The following CCSER1 variants were observed in gnomAD, a reference collection of about 807,000 sequenced individuals.
CCSER1 encodes coiled-coil serine rich protein 1.
Under a neutral mutation model 82.0 loss-of-function variants are expected in CCSER1, and 41 were observed. The observed-to-expected ratio is 0.50, with a 90% CI of 0.39 to 0.65. The LOEUF is 0.65. Ranked by LOEUF, CCSER1 falls within the 30% of genes least tolerant of loss-of-function variation. CCSER1 has a pLI of 0.00. For missense variants in CCSER1, 1,119 were observed against 1,064.2 expected (o/e 1.05, Z -0.72); for synonymous variants, 414 against 383.9 (o/e 1.08, Z -0.92).
intron 7 of CCSER1, among the ~76,000 whole-genome samples, chr4:90,733,405 G>A (rs1277978981): frequency 1.3e-5 from 2 of 152,136 alleles, no homozygotes; most frequent in Non-Finnish European, 2.9e-5. Flanking sequence ...CTATAGAGTT[G>A]TTTGAGCTCC....
At chr4:90,978,323 A>G (rs1735794350) in intron 9 of CCSER1, among the ~76,000 whole-genome samples, 1 of 151,662 alleles carries the variant, frequency 6.6e-6, no homozygotes, top group African/African-American at 2.4e-5. Context: ...AATGTACACA[A>G]AGCTCTTAGA....
At chr4:90,675,190 A>T (rs1579877080) in intron 6 of CCSER1, among the ~76,000 whole-genome samples, 1 of 152,146 alleles carries the variant, frequency 6.6e-6, no homozygotes, top group African/African-American at 2.4e-5. Context: ...TTTCAGAGAG[A>T]CAGAAAAAGT....
chr4:91,310,468 T>C (rs1745391678), intron 10 of CCSER1, among the ~76,000 whole-genome samples: 1 of 151,790 alleles, frequency 6.6e-6, no homozygotes, highest in Non-Finnish European at 1.5e-5. Flanking sequence ...CATTCAAAAT[T>C]GTCTTTGTCA....
chr4:91,017,657 T>G (rs1366487452), intron 9 of CCSER1, among the ~76,000 whole-genome samples: 1 of 152,030 alleles, frequency 6.6e-6, no homozygotes, highest in African/African-American at 2.4e-5. Flanking sequence ...GGGGAAAAAG[T>G]AAAGGAAGGT....
chr4:90,758,185 C>T (rs564981119), intron 7 of CCSER1, among the ~76,000 whole-genome samples: 12 of 152,234 alleles, frequency 7.9e-5, no homozygotes, highest in South Asian at 2.1e-4. Flanking sequence ...GATCCGCCTG[C>T]GTCGGCCTCC....
At chr4:91,355,238 C>A (rs1748745234) in intron 10 of CCSER1, among the ~76,000 whole-genome samples, 1 of 151,618 alleles carries the variant, frequency 6.6e-6, no homozygotes, top group Non-Finnish European at 1.5e-5. Context: ...TTTTAGTTTA[C>A]AGAACGGCAT....
intron 10 of CCSER1, among the ~76,000 whole-genome samples, chr4:91,087,538 G>C (rs1723508398): frequency 6.6e-6 from 1 of 151,834 alleles, no homozygotes; most frequent in South Asian, 2.1e-4. Context: ...ATTAATTTTA[G>C]AAGTATATTG....
chr4:90,861,926 A>ATATATATTTTT (rs1486179354), intron 8 of CCSER1, among the ~76,000 whole-genome samples: 6 of 125,684 alleles, frequency 4.8e-5, no homozygotes, highest in African/African-American at 1.7e-4. Flanking sequence ...ATATATATAT[A>ATATATATTTTT]TTTTTTTTTT....
Position 90,293,385 on chromosome 4 carries a change from A to G in CCSER1, c.-41-14859A>G, listed in dbSNP as rs1731281910. On this transcript the variant is annotated intron_variant, in intron 1 of 10. Coordinates refer to ENST00000509176, the MANE Select transcript of CCSER1 (RefSeq NM_001145065.2). ...GAGTTTTTCTTTGATCTAAAAGGCA[A>G]TTTATTTTTATCAGATACTAATTGT... 2.6e-5 allele frequency among the ~76,000 whole-genome samples: 4 copies of G among 151,610 alleles called. No homozygotes were observed. In the South Asian group the frequency reaches 8.3e-4, roughly 31 times the overall value.
intron 8 of CCSER1, among the ~76,000 whole-genome samples, chr4:90,880,883 C>A (rs998262292): frequency 6.6e-6 from 1 of 152,004 alleles, no homozygotes; most frequent in Admixed American, 6.6e-5. Context: ...CCTGGCTTTT[C>A]TCCATTCTCC....
intron 10 of CCSER1, among the ~76,000 whole-genome samples, chr4:91,401,671 T>C (rs1419389056): frequency 2.6e-5 from 4 of 152,090 alleles, no homozygotes; most frequent in Non-Finnish European, 5.9e-5. Context: ...GTCCTTGCGA[T>C]AGTTTGCTCA....
intron 7 of CCSER1, among the ~76,000 whole-genome samples, chr4:90,753,110 C>G (rs905204198): frequency 2.0e-5 from 3 of 152,130 alleles, no homozygotes; most frequent in African/African-American, 7.2e-5. Flanking sequence ...TGGCTTAGAA[C>G]TTCTGGCTTA....
intron 10 of CCSER1, among the ~76,000 whole-genome samples, chr4:91,371,320 C>T (rs932192991): frequency 2.7e-5 from 4 of 150,508 alleles, no homozygotes; most frequent in African/African-American, 9.7e-5. Context: ...CCCAACACTA[C>T]CTTTCTCAGC....
At chr4:91,556,716 T>C (rs925581864) in intron 10 of CCSER1, among the ~76,000 whole-genome samples, 2 of 151,130 alleles carry the variant, frequency 1.3e-5, no homozygotes, top group African/African-American at 2.4e-5. Flanking sequence ...TTCTAATATT[T>C]CAGCAACTTT....
At chr4:90,832,872 A>G (rs573807939) in intron 8 of CCSER1, among the ~76,000 whole-genome samples, 2 of 152,204 alleles carry the variant, frequency 1.3e-5, no homozygotes, top group Non-Finnish European at 2.9e-5. Context: ...TGTAAAGAAT[A>G]TATTTTCTAT....
At chr4:91,090,896 C>T (rs11936946) in intron 10 of CCSER1, among the ~76,000 whole-genome samples, 49,686 of 151,946 alleles carry the variant, frequency 0.33, 8,692 homozygotes, top group East Asian at 0.46. Flanking sequence ...GAGATACGTA[C>T]TCTCCTTTTC....
intron 9 of CCSER1, among the ~76,000 whole-genome samples, chr4:91,002,640 T>C (rs2150480272): frequency 6.6e-6 from 1 of 152,286 alleles, no homozygotes; most frequent in South Asian, 2.1e-4. Flanking sequence ...TGAATATTTT[T>C]CCCTTCGCTT....
intron 1 of CCSER1, among the ~76,000 whole-genome samples, chr4:90,288,784 T>A (rs1730386753): frequency 6.6e-6 from 1 of 152,000 alleles, no homozygotes; most frequent in Admixed American, 6.6e-5. Flanking sequence ...GTTTTGTCAG[T>A]CATCTTCCTC....
intron 10 of CCSER1, among the ~76,000 whole-genome samples, chr4:91,367,394 A>G (rs1487618614): frequency 6.7e-6 from 1 of 149,006 alleles, no homozygotes; most frequent in Non-Finnish European, 1.5e-5. Context: ...GATGAGATCC[A>G]TGGAAGTTTC....
Sources: gnomAD v4.1 joint callset for allele counts (sites outside exome capture counted in the v4.1 genomes callset) on GRCh38, gnomAD v4.1.1 for gene constraint, MANE v1.5 for transcripts, NCBI Gene and HGNC (gene_info 2026-07-23, HGNC 2026-07-21) for gene names.